Variants in DCTN1 observed in about 807,000 individuals in gnomAD.
DCTN1 encodes the protein 150 kDa dynein-associated polypeptide.
A neutral mutation model predicts 161.2 loss-of-function variants in DCTN1; 61 were observed. That is an observed-to-expected ratio of 0.38 (90% CI 0.31 to 0.47). The LOEUF (loss-of-function observed/expected upper bound fraction) is 0.47, where lower values mean the gene tolerates loss of function less well. Among genes scored for constraint, DCTN1 ranks in the 20% least tolerant of loss-of-function variants. The probability of loss-of-function intolerance (pLI) is 0.99; values close to 1 mark genes in which losing one functional copy is unlikely to be tolerated. For missense variants in DCTN1, 1,404 were observed against 1,623.7 expected, an observed-to-expected ratio of 0.86 and a Z score of 2.33; for synonymous variants, 653 against 632.4, an observed-to-expected ratio of 1.03 and a Z score of -0.49.
rs1436971834 is a variant in DCTN1, at chr2:74,361,995, G to C, written c.3699+57C>G. ...GGCCTCCTCCAATTCTGGAGGAGAG[G>C]GGGGCCCGCCTGAGCTCTCCACACT... On this transcript the variant is annotated intron_variant, in intron 31 of 31. Coordinates refer to ENST00000628224, the MANE Select transcript of DCTN1 (RefSeq NM_004082.5). The C allele has an allele frequency of 5.7e-6, 9 of 1,568,758 alleles. No homozygotes were observed. The African/African-American group carries it at 8.1e-5, about 14-fold the overall frequency.
intron 26 of DCTN1, chr2:74,363,902 A>T (rs937986185): frequency 1.9e-6 from 1 of 529,938 alleles, no homozygotes; most frequent in Non-Finnish European, 3.4e-6. Flanking sequence ...TGTACAAAGT[A>T]CTTGGAACAT....
rs138305126 is a variant in DCTN1, at chr2:74,365,944, G to A, written c.2835C>T (p.Leu945=). The change falls in exon 24 of 32, where the codon CTC becomes CTT. Residue 945 remains leucine, a synonymous_variant. Transcript: ENST00000628224. Reference sequence around the variant, plus strand: ...CCTTAATAACTGTCTCTCGATCTTCGAGCTTCAAACCCAGGCCTTCAGCAT... The same window carrying A: ...CCTTAATAACTGTCTCTCGATCTTCAAGCTTCAAACCCAGGCCTTCAGCAT... ...ITDAEGLGLK[L]EDRETVIKEL... is the part of the protein sequence containing the mutation. 8.1e-5 allele frequency: 130 copies of A among 1,613,924 alleles called. 1 individual carries two copies. Among genetic ancestry groups the A allele is most frequent in the Non-Finnish European group, 1.0e-4 (122 of 1,180,024 alleles).
chr2:74,379,444 T>C (rs2103731838), intron 1 of DCTN1, among the ~76,000 whole-genome samples: 1 of 152,274 alleles, frequency 6.6e-6, no homozygotes, highest in East Asian at 1.9e-4. Flanking sequence ...AAGGTGAGGA[T>C]GTAGTTCCCA....
At chr2:74,381,203 T>C (rs1399518030), upstream of DCTN1, among the ~76,000 whole-genome samples, 1 of 152,338 alleles carries the variant, frequency 6.6e-6, no homozygotes, top group Non-Finnish European at 1.5e-5. Context: ...CCATCTATCA[T>C]GGGCTAGAAA....
intron 31 of DCTN1, 87 bp from the exon 32 acceptor site, chr2:74,361,723 A>T (rs1674008356): frequency 1.3e-6 from 2 of 1,563,542 alleles, no homozygotes; most frequent in African/African-American, 2.7e-5. Flanking sequence ...CACTGAGACC[A>T]AGGCAGCTCC....
chr2:74,367,621 A>C, intron 18 of DCTN1, 75 bp downstream of exon 18: 1 of 1,604,472 alleles, frequency 6.2e-7, no homozygotes, highest in Non-Finnish European at 8.5e-7. Flanking sequence ...TACAACCTTG[A>C]ATATATTAGT....
Position 74,371,558 on chromosome 2 carries a change from G to A in DCTN1, c.624C>T (p.Pro208=), listed in dbSNP as rs1162419983. The A allele has an allele frequency of 6.3e-7, 1 of 1,580,506 alleles. No individual in the cohort carries two copies. Among genetic ancestry groups the A allele is most frequent in the Non-Finnish European group, 8.6e-7 (1 of 1,163,474 alleles). The change falls in exon 8 of 32, where the codon CCC becomes CCT. Residue 208 remains proline (P), a synonymous_variant. Coordinates refer to ENST00000628224, the MANE Select transcript of DCTN1 (RefSeq NM_004082.5). ...TTACCTTGGATGGGGAAGGAAGCGGGGGGACTGCTCCAGGAGAGGTGAGGA... is the reference window on the plus strand; with the variant it reads ...TTACCTTGGATGGGGAAGGAAGCGGAGGGACTGCTCCAGGAGAGGTGAGGA... The part of the protein sequence containing the change: ...TPVLTSPGAV[P]PLPSPSKEEE...
intron 8 of DCTN1, 66 bp from the exon 9 acceptor site, chr2:74,371,242 C>A (rs540979501): frequency 1.2e-6 from 2 of 1,607,182 alleles, no homozygotes; most frequent in African/African-American, 1.3e-5. Context: ...ACTGAGCTGG[C>A]GCAAAGAACA....
At chr2:74,363,508 C>A in intron 27 of DCTN1, 81 bp from the exon 28 acceptor site, 2 of 1,597,664 alleles carry the variant, frequency 1.3e-6, no homozygotes, top group South Asian at 1.1e-5. Flanking sequence ...TTCCCCTTTC[C>A]TCATCCCCCC....
upstream of DCTN1, among the ~76,000 whole-genome samples, chr2:74,384,739 TCTTGTCTCAC>T (rs1202602075): frequency 1.3e-5 from 2 of 152,244 alleles, no homozygotes; most frequent in Admixed American, 1.3e-4. Flanking sequence ...CTTGATCTCC[TCTTGTCTCAC>T]CTTATCAAAC....
rs756273697 is a variant in DCTN1, at chr2:74,366,138, T to C, written c.2760+106A>G. Reference sequence around the variant, plus strand: ...CTGCCTTCTAGGCAGGATGGTGCTCTCCAGATGCCTTCCTCCTGTCTCCCC... The same window carrying C: ...CTGCCTTCTAGGCAGGATGGTGCTCCCCAGATGCCTTCCTCCTGTCTCCCC... On this transcript the variant is annotated intron_variant, in intron 23 of 31. Transcript: ENST00000628224. 18 of 1,610,470 alleles carry C rather than the reference T, an allele frequency of 1.1e-5. No homozygotes were observed. In the Admixed American group the frequency reaches 1.2e-4, roughly 10 times the overall value.
At chr2:74,387,091 C>T (rs1675765270) in intron 1 of DCTN1, 1 of 152,308 alleles carries the variant, frequency 6.6e-6, no homozygotes, top group African/African-American at 2.4e-5. Flanking sequence ...GGCTCCATCC[C>T]TACCACTCCA....
chr2:74,363,150 A>T lies in DCTN1; in HGVS notation c.3373T>A (p.Ser1125Thr), dbSNP rs1191490257. The change falls in exon 29 of 32, where the codon TCC (serine) becomes ACC (threonine). Residue 1125 changes from serine to threonine, a missense_variant. This residue lies in a region of DCTN1 where 311 missense variants were observed against 298.9 expected (regional missense o/e 1.04). Transcript: ENST00000628224. ...TTTGCAACATGCAGAGGGGGCAGGG[A>T]TGCCAAGGATGCCTTCATCTGGGCT... ...KGAQMKASLA[S>T]LPPLHVAKLS... 2.5e-6 allele frequency: 4 copies of T among 1,614,158 alleles called. No individual in the cohort carries two copies. The highest frequency in any genetic ancestry group is 3.4e-6 in the Non-Finnish European group (4 of 1,180,010).
chr2:74,373,889 A>G (rs556844349), intron 6 of DCTN1, among the ~76,000 whole-genome samples: 1 of 152,316 alleles, frequency 6.6e-6, no homozygotes, highest in South Asian at 2.1e-4. Flanking sequence ...ACCCTGGTAA[A>G]GTGCCCTGAT....
In DCTN1 at chr2:74,367,332, C is replaced by T. The variant is rs1446016270; in HGVS notation, c.2253+20G>A. 3.7e-6 allele frequency: 6 copies of T among 1,613,762 alleles called. No homozygotes were observed. In the African/African-American group the frequency reaches 8.0e-5, roughly 22 times the overall value. The stretch of plus-strand genomic sequence containing the variant: ...TTTCTGATCTCCACGGGGGCTCAAT[C>T]ACTGGCCCAGATACTTCACCTTAAT... On this transcript the variant is annotated intron_variant, in intron 19 of 31. Transcript: ENST00000628224.
chr2:74,382,286 A>G (rs947249327), upstream of DCTN1, among the ~76,000 whole-genome samples: 2 of 152,212 alleles, frequency 1.3e-5, no homozygotes, highest in African/African-American at 2.4e-5. Flanking sequence ...CATGAGGTTC[A>G]AAAAAGCTAA....
chr2:74,367,893 C>A, intron 17 of DCTN1, 29 bp from the exon 18 acceptor site: 1 of 1,614,212 alleles, frequency 6.2e-7, no homozygotes. Context: ...CACTGTGAGG[C>A]TAGAGTCTGC....
At position 74,361,367 on chromosome 2, in the gene DCTN1, G is replaced by T; in HGVS notation, c.*132C>A. 7.9e-7 allele frequency: 1 copy of T among 1,271,092 alleles called. No individual in the cohort carries two copies. The allele number at this position is 1,271,092 out of a possible 1,614,324, so 78.7% of individuals were successfully genotyped here. A position where few individuals can be genotyped will look rare whatever the true frequency, so the allele number is the denominator to read the frequency against. On this transcript the variant is annotated 3_prime_UTR_variant, in exon 32 of 32. Transcript: ENST00000628224. The stretch of plus-strand genomic sequence containing the variant: ...GAAGGGGCAGGACGCTGAAAGGGTG[G>T]GAGTGAAGCTGAACGGGGCAGGAAG...
chr2:74,365,371 G>C (rs1191718581), intron 25 of DCTN1, 130 bp from the exon 26 acceptor site: 32 of 1,548,734 alleles, frequency 2.1e-5, no homozygotes, highest in Non-Finnish European at 2.6e-5. Context: ...GCTTAGGCTG[G>C]GGTGATGCAA....
Sources: gnomAD v4.1 joint callset for allele counts (sites outside exome capture counted in the v4.1 genomes callset) on GRCh38, gnomAD v4.1.1 for gene constraint, gnomAD v4.1.1 regional missense constraint, MANE v1.5 for transcripts, NCBI Gene and HGNC (gene_info 2026-07-23, HGNC 2026-07-21) for gene names.